Variants in DYNC2H1 observed in about 807,000 individuals in gnomAD.
DYNC2H1 encodes the protein dynein cytoplasmic 2 heavy chain 1, also known as cytoplasmic dynein 2 heavy chain 1.
A neutral mutation model predicts 570.0 loss-of-function variants in DYNC2H1; 410 were observed. The observed-to-expected ratio is 0.72, with a 90% CI of 0.66 to 0.78. The LOEUF is 0.78. Ranked by LOEUF, DYNC2H1 falls within the 30% of genes least tolerant of loss-of-function variation. The pLI, the probability that DYNC2H1 is intolerant of heterozygous loss-of-function variation, is 0.00. For synonymous variants in DYNC2H1, 1,688 were observed against 1,677.6 expected, an observed-to-expected ratio of 1.01 and a Z score of -0.15; for missense variants, 4,865 against 5,046.4, an observed-to-expected ratio of 0.96 and a Z score of 1.09.
intron 58 of DYNC2H1, among the ~76,000 whole-genome samples, chr11:103,222,378 G>A (rs1863620793): frequency 6.6e-6 from 1 of 152,052 alleles, no homozygotes; most frequent in African/African-American, 2.4e-5. Context: ...TAATAGTTTT[G>A]TATCTGCTGT....
chr11:103,165,458 G>A (rs1239276455), intron 30 of DYNC2H1, among the ~76,000 whole-genome samples: 1 of 152,102 alleles, frequency 6.6e-6, no homozygotes, highest in African/African-American at 2.4e-5. Context: ...GAGAATACTG[G>A]AATTTTGCTA....
chr11:103,323,441 A>G (rs1461147110), intron 81 of DYNC2H1, among the ~76,000 whole-genome samples: 1 of 150,154 alleles, frequency 6.7e-6, no homozygotes, highest in African/African-American at 2.4e-5. Flanking sequence ...TAAGTTAAAA[A>G]GAAACAAAAG....
Position 103,470,747 on chromosome 11 carries a change from A to G in DYNC2H1, c.12765+2042A>G, listed in dbSNP as rs570805309. 4.9e-3 allele frequency among the ~76,000 whole-genome samples: 752 copies of G among 152,332 alleles called. 4 individuals are homozygous for G. The highest frequency in any genetic ancestry group is 0.017 in the African/African-American group (724 of 41,572). ...ATGACCCTACAAAGGACATGAACTC[A>G]TCATTTTTTATGGCTGCATAGCATT... On this transcript the variant is annotated intron_variant, in intron 88 of 88. Coordinates refer to ENST00000375735, the MANE Select transcript of DYNC2H1 (RefSeq NM_001377.3).
intron 39 of DYNC2H1, 39 bp downstream of exon 39, chr11:103,179,272 T>G: frequency 6.4e-7 from 1 of 1,560,636 alleles, no homozygotes; most frequent in Non-Finnish European, 8.8e-7. Context: ...TATTAGAATA[T>G]TCTTTTACTG....
intron 13 of DYNC2H1, among the ~76,000 whole-genome samples, chr11:103,131,863 C>T (rs1859293621): frequency 6.6e-6 from 1 of 152,002 alleles, no homozygotes; most frequent in Admixed American, 6.6e-5. Context: ...TTCAAAGAAT[C>T]TTTGTCTTTA....
At chr11:103,206,129 G>A (rs1232858781) in intron 52 of DYNC2H1, among the ~76,000 whole-genome samples, 4 of 152,068 alleles carry the variant, frequency 2.6e-5, no homozygotes, top group Non-Finnish European at 4.4e-5. Context: ...GGTGAGAAAT[G>A]GTTGTATTCT....
chr11:103,135,339 C>T (rs139356945), intron 15 of DYNC2H1, among the ~76,000 whole-genome samples, 156 bp from the exon 16 acceptor site: 113 of 152,066 alleles, frequency 7.4e-4, no homozygotes, highest in African/African-American at 2.5e-3. Context: ...TAAACTTATA[C>T]GGAGAGTAAC....
chr11:103,316,692 C>T (rs1282444572), intron 80 of DYNC2H1, 72 bp downstream of exon 80: 1 of 1,209,244 alleles, frequency 8.3e-7, no homozygotes, highest in Non-Finnish European at 1.1e-6. Context: ...ACTATGTTTT[C>T]TTCAGAAGTG....
At chr11:103,221,935 A>T in intron 57 of DYNC2H1, 95 bp from the exon 58 acceptor site, 1 of 1,276,332 alleles carries the variant, frequency 7.8e-7, no homozygotes, top group Non-Finnish European at 1.1e-6. Context: ...CTAATGGATT[A>T]AAAGTATTGC....
At chr11:103,391,669 G>A (rs142541867) in intron 83 of DYNC2H1, among the ~76,000 whole-genome samples, 7,902 of 152,212 alleles carry the variant, frequency 0.052, 384 homozygotes, top group East Asian at 0.19. Context: ...GTACAGATGG[G>A]GTTTTGGTGT....
Position 103,170,318 on chromosome 11 carries a change from A to G in DYNC2H1, c.5151+28A>G. ...AGAATAAATAATTATCAAAATATGT[A>G]ACAATGGGTTAATCATATTTAGATT... On this transcript the variant is annotated intron_variant, in intron 33 of 88. Coordinates refer to ENST00000375735, the MANE Select transcript of DYNC2H1 (RefSeq NM_001377.3). The surrounding 1 kb of genome is among the most constrained non-coding windows in gnomAD (Gnocchi z 4.8). 6.6e-7 allele frequency: 1 copy of G among 1,517,504 alleles called. No homozygotes were observed. Among genetic ancestry groups the G allele is most frequent in the Non-Finnish European group, 8.8e-7 (1 of 1,131,658 alleles). 94.0% of individuals were successfully genotyped at this position (1,517,504 alleles called of 1,614,324 possible).
chr11:103,286,161 A>C lies in DYNC2H1; in HGVS notation c.10891-94A>C, dbSNP rs1232563822. On this transcript the variant is annotated intron_variant, in intron 73 of 88. Transcript: ENST00000375735. ...AGTAGAAGAGTAATAAACATCAACC[A>C]ATAATTGGTTCTCACTTTTAGTTTT... The C allele has an allele frequency of 6.7e-6, 10 of 1,482,974 alleles. No homozygotes were observed. In the Admixed American group the frequency reaches 1.0e-4, roughly 15 times the overall value. The allele number at this position is 1,482,974 out of a possible 1,614,324, so 91.9% of individuals were successfully genotyped here.
intron 84 of DYNC2H1, chr11:103,408,124 A>T (rs964845227): frequency 1.3e-5 from 2 of 152,000 alleles, no homozygotes; most frequent in African/African-American, 2.4e-5. Flanking sequence ...TGAGTTCACA[A>T]GAGGAGAGCG....
chr11:103,193,912 T>A (rs1862416374), intron 47 of DYNC2H1, among the ~76,000 whole-genome samples: 1 of 152,150 alleles, frequency 6.6e-6, no homozygotes, highest in South Asian at 2.1e-4. Context: ...TTTTCACATA[T>A]TGAAAGATAA....
intron 17 of DYNC2H1, among the ~76,000 whole-genome samples, chr11:103,141,227 A>G (rs1264216391): frequency 2.6e-5 from 4 of 152,228 alleles, no homozygotes; most frequent in Non-Finnish European, 5.9e-5. Flanking sequence ...TTCTCCGTCC[A>G]GCTTTGTTCC....
At chr11:103,123,547 G>A (rs1249479796) in intron 11 of DYNC2H1, among the ~76,000 whole-genome samples, 1 of 152,082 alleles carries the variant, frequency 6.6e-6, no homozygotes, top group East Asian at 1.9e-4. Flanking sequence ...CGGTGTTAGG[G>A]CATAGTGATT....
chr11:103,330,710 C>T (rs61899879), intron 82 of DYNC2H1, among the ~76,000 whole-genome samples: 33,085 of 150,942 alleles, frequency 0.22, 3,758 homozygotes, highest in Admixed American at 0.31. Flanking sequence ...TTTATGACAA[C>T]GCTATTCTCT....
At chr11:103,122,782 TGGAA>T in intron 10 of DYNC2H1, 39 bp from the exon 11 acceptor site, 1 of 1,554,990 alleles carries the variant, frequency 6.4e-7, no homozygotes, top group South Asian at 1.2e-5. Context: ...CTAATTTTTT[TGGAA>T]TTTAAATAAT....
chr11:103,415,123 C>T (rs1943235711), intron 84 of DYNC2H1, among the ~76,000 whole-genome samples: 1 of 152,170 alleles, frequency 6.6e-6, no homozygotes, highest in South Asian at 2.1e-4. Flanking sequence ...ATGTAGAAAG[C>T]TGAAACTGGA....
Sources: allele counts gnomAD v4.1 joint callset (sites outside exome capture counted in the v4.1 genomes callset), GRCh38; gene constraint gnomAD v4.1.1; non-coding constraint Gnocchi (gnomAD v3.1); transcripts MANE v1.5; gene names NCBI Gene and HGNC (gene_info 2026-07-23, HGNC 2026-07-21).